COG5: variants seen among roughly 807,000 people sequenced by gnomAD.
COG5 encodes conserved oligomeric Golgi complex subunit 5.
Under a neutral mutation model 110.4 loss-of-function variants are expected in COG5, and 86 were observed. The observed-to-expected ratio is 0.78, with a 90% CI of 0.65 to 0.93. The LOEUF (loss-of-function observed/expected upper bound fraction) is 0.93. Ranked by LOEUF, COG5 falls within the 40% of genes least tolerant of loss-of-function variation. The pLI is 0.00. For missense variants in COG5, 1,077 were observed against 987.0 expected (o/e 1.09, Z -1.22); for synonymous variants, 360 against 334.6 (o/e 1.08, Z -0.83).
At chr7:107,336,670 T>A (rs1810725243) in intron 10 of COG5, among the ~76,000 whole-genome samples, 1 of 152,150 alleles carries the variant, frequency 6.6e-6, no homozygotes, top group Non-Finnish European at 1.5e-5. Context: ...TATTACAAAA[T>A]AAAAAATTTT....
At position 107,508,076 on chromosome 7, in the gene COG5, G is replaced by A. The variant is rs536856794; in HGVS notation, c.538+19161C>T. Among the ~76,000 whole-genome samples, 5 of 152,390 alleles carry A rather than the reference G, an allele frequency of 3.3e-5. No individual in the cohort carries two copies. In the East Asian group the frequency reaches 5.8e-4, roughly 18 times the overall value. On this transcript the variant is annotated intron_variant, in intron 6 of 21. Coordinates refer to ENST00000297135, the MANE Select transcript of COG5 (RefSeq NM_006348.5). ...CACCATGCACGAGCCGAAGCAGGGC[G>A]AGGCATTGCCTCACTCGGGAAGAGC... is the stretch of plus-strand genomic sequence containing the variant.
intron 6 of COG5, among the ~76,000 whole-genome samples, chr7:107,444,252 T>G (rs1056360103): frequency 1.3e-5 from 2 of 152,208 alleles, no homozygotes; most frequent in Non-Finnish European, 2.9e-5. Flanking sequence ...CTCAGTAAAC[T>G]GGCTGGTTGC....
intron 12 of COG5, among the ~76,000 whole-genome samples, chr7:107,295,101 A>ATATATATTTTT (rs1289733590): frequency 2.2e-5 from 1 of 45,518 alleles, no homozygotes; most frequent in African/African-American, 8.4e-5. Context: ...ATATATATAT[A>ATATATATTTTT]TTTTTTTTTT....
intron 6 of COG5, among the ~76,000 whole-genome samples, chr7:107,458,681 G>A (rs964268242): frequency 2.0e-5 from 3 of 152,034 alleles, no homozygotes; most frequent in South Asian, 2.1e-4. Context: ...AACATAGCAA[G>A]ATTCCATCTC....
At chr7:107,539,129 T>TA (rs942552607) in intron 5 of COG5, among the ~76,000 whole-genome samples, 3 of 151,312 alleles carry the variant, frequency 2.0e-5, no homozygotes, top group African/African-American at 7.3e-5. Flanking sequence ...AATTAAAATT[T>TA]AAAAAAAAAT....
At chr7:107,499,538 T>C (rs1358684528) in intron 6 of COG5, among the ~76,000 whole-genome samples, 2 of 151,854 alleles carry the variant, frequency 1.3e-5, no homozygotes, top group African/African-American at 4.8e-5. Context: ...CCTGAGAAGC[T>C]AGGATTAAAG....
intron 19 of COG5, among the ~76,000 whole-genome samples, chr7:107,213,379 C>T (rs1224439237): frequency 6.6e-6 from 1 of 152,194 alleles, no homozygotes; most frequent in Non-Finnish European, 1.5e-5. Flanking sequence ...CACCTAGTGT[C>T]AGAGCCCATC....
chr7:107,235,467 G>C (rs964628513), intron 18 of COG5, among the ~76,000 whole-genome samples: 2 of 152,230 alleles, frequency 1.3e-5, no homozygotes, highest in East Asian at 3.8e-4. Context: ...CACTTTGGGA[G>C]GCCAAGGCGG....
Position 107,301,277 on chromosome 7 carries a change from G to A in COG5, c.1109-2931C>T, listed in dbSNP as rs116319242. Reference sequence around the variant, plus strand: ...AAACTGGACAACATCTAAATTAAAAGTGTCTGCTCTTCAAAAAAAATACGG... The same window carrying A: ...AAACTGGACAACATCTAAATTAAAAATGTCTGCTCTTCAAAAAAAATACGG... On this transcript the variant is annotated intron_variant, in intron 11 of 21. Transcript: ENST00000297135. 5.5e-3 allele frequency among the ~76,000 whole-genome samples: 839 copies of A among 152,176 alleles called. 10 individuals carry two copies. Among genetic ancestry groups the A allele is most frequent in the African/African-American group, 0.02 (816 of 41,524 alleles).
At chr7:107,206,940 T>C (rs1798827387) in intron 21 of COG5, among the ~76,000 whole-genome samples, 1 of 152,202 alleles carries the variant, frequency 6.6e-6, no homozygotes, top group African/African-American at 2.4e-5. Flanking sequence ...TAGTCTTAAC[T>C]CTGGTTTGTA....
At chr7:107,209,720 G>T in intron 21 of COG5, 1 of 693,456 alleles carries the variant, frequency 1.4e-6, no homozygotes, top group Non-Finnish European at 1.8e-6. Context: ...CCATATCTCG[G>T]CTTACTTCGT....
chr7:107,528,122 C>T (rs1034827382), intron 5 of COG5, among the ~76,000 whole-genome samples: 5 of 150,926 alleles, frequency 3.3e-5, no homozygotes, highest in African/African-American at 7.3e-5. Flanking sequence ...AACAGGGTCT[C>T]GCTCAGTTGC....
chr7:107,351,167 T>C (rs780008664), intron 10 of COG5, among the ~76,000 whole-genome samples: 1 of 152,138 alleles, frequency 6.6e-6, no homozygotes, highest in Non-Finnish European at 1.5e-5. Context: ...TATCTACAAC[T>C]ATCTGATCTT....
intron 6 of COG5, among the ~76,000 whole-genome samples, chr7:107,437,135 T>G (rs1466764357): frequency 6.6e-6 from 1 of 152,168 alleles, no homozygotes; most frequent in Non-Finnish European, 1.5e-5. Flanking sequence ...CTCTCTGAAT[T>G]AGTATGAGTT....
intron 6 of COG5, among the ~76,000 whole-genome samples, chr7:107,460,453 A>C (rs1006044886): frequency 6.6e-6 from 1 of 152,180 alleles, no homozygotes; most frequent in African/African-American, 2.4e-5. Flanking sequence ...GAGATACTTC[A>C]GGAAAATTAG....
At chr7:107,353,357 G>A (rs1323332706) in intron 10 of COG5, among the ~76,000 whole-genome samples, 19 of 143,670 alleles carry the variant, frequency 1.3e-4, no homozygotes, top group African/African-American at 3.7e-4. Context: ...CCCGGGAGGC[G>A]GAGCTTGCAG....
intron 6 of COG5, among the ~76,000 whole-genome samples, chr7:107,490,788 C>G (rs933524357): frequency 6.6e-6 from 1 of 152,024 alleles, no homozygotes; most frequent in Non-Finnish European, 1.5e-5. Flanking sequence ...GGTTTCAAAG[C>G]CTATTCTTTC....
At chr7:107,536,974 A>G (rs142649778) in intron 5 of COG5, among the ~76,000 whole-genome samples, 19,127 of 152,206 alleles carry the variant, frequency 0.13, 1,502 homozygotes, top group Non-Finnish European at 0.17. Context: ...ATAACACCAC[A>G]TATCTACAAC....
intron 6 of COG5, among the ~76,000 whole-genome samples, chr7:107,476,573 C>T (rs1048682767): frequency 4.0e-5 from 6 of 151,570 alleles, no homozygotes; most frequent in Admixed American, 1.3e-4. Flanking sequence ...AAATTACTAA[C>T]CCTAACTACA....
Sources: gnomAD v4.1 joint callset for allele counts (sites outside exome capture counted in the v4.1 genomes callset) on GRCh38, gnomAD v4.1.1 for gene constraint, MANE v1.5 for transcripts, NCBI Gene and HGNC (gene_info 2026-07-23, HGNC 2026-07-21) for gene names.